DMRT1: variants seen among roughly 807,000 people sequenced by gnomAD.
DMRT1 encodes the protein doublesex- and mab-3-related transcription factor 1.
A neutral mutation model predicts 32.3 loss-of-function variants in DMRT1; 7 were observed. The ratio of observed to expected loss-of-function variants is 0.22; its 90% confidence interval spans 0.12 to 0.41. DMRT1 has a LOEUF of 0.41. Ranked by LOEUF, DMRT1 falls within the 10% of genes least tolerant of loss-of-function variation. DMRT1 has a pLI of 1.00. For missense variants in DMRT1, 625 were observed against 500.5 expected (o/e 1.25, Z -2.37); for synonymous variants, 278 against 206.1 (o/e 1.35, Z -2.99).
chr9:854,102 C>T (rs1426337880), intron 2 of DMRT1, among the ~76,000 whole-genome samples: 2 of 142,768 alleles, frequency 1.4e-5, no homozygotes, highest in African/African-American at 5.4e-5. Context: ...TGAGCCTACA[C>T]ACTAAGCCCA....
chr9:935,388 A>G (rs1227670250), intron 4 of DMRT1, among the ~76,000 whole-genome samples: 6 of 152,210 alleles, frequency 3.9e-5, no homozygotes, highest in Non-Finnish European at 1.5e-5. Context: ...ACAAAAGTGA[A>G]AAGTCAATGT....
chr9:872,954 A>G (rs1342278507), intron 2 of DMRT1, among the ~76,000 whole-genome samples: 1 of 152,188 alleles, frequency 6.6e-6, no homozygotes, highest in African/African-American at 2.4e-5. Context: ...GTCCCCCCAC[A>G]TTAAAGGCAG....
chr9:959,432 G>T (rs1055241013), intron 4 of DMRT1, among the ~76,000 whole-genome samples: 6 of 152,226 alleles, frequency 3.9e-5, no homozygotes, highest in African/African-American at 1.4e-4. Context: ...TCCAGGCTTT[G>T]CATAGAGTCA....
intron 4 of DMRT1, among the ~76,000 whole-genome samples, chr9:949,417 G>C (rs890475300): frequency 2.0e-5 from 3 of 152,018 alleles, no homozygotes; most frequent in African/African-American, 7.3e-5. Context: ...AAGTATGATT[G>C]ACAATACCGA....
chr9:870,708 A>AATTTTTTTTTTTTT, intron 2 of DMRT1, among the ~76,000 whole-genome samples: 1 of 36,262 alleles, frequency 2.8e-5, no homozygotes, highest in Admixed American at 3.3e-4. Flanking sequence ...CATTTTCTTG[A>AATTTTTTTTTTTTT]CTTTTTTTTT....
chr9:900,365 C>A (rs73639477), intron 3 of DMRT1, among the ~76,000 whole-genome samples: 9,219 of 102,804 alleles, frequency 0.09, 479 homozygotes, highest in African/African-American at 0.15. Flanking sequence ...TCTCGTTTTC[C>A]CACTGCCCCC....
At chr9:883,682 C>G (rs998106061) in intron 2 of DMRT1, among the ~76,000 whole-genome samples, 2 of 150,530 alleles carry the variant, frequency 1.3e-5, no homozygotes, top group African/African-American at 2.4e-5. Flanking sequence ...GTCCCAGATA[C>G]TTGGGAGGCA....
intron 2 of DMRT1, among the ~76,000 whole-genome samples, chr9:891,197 A>G (rs552705682): frequency 6.6e-6 from 1 of 151,860 alleles, no homozygotes; most frequent in Non-Finnish European, 1.5e-5. Context: ...TAAAAAAAAA[A>G]AAAGCTAAGA....
chr9:875,192 A>G (rs1458688761), intron 2 of DMRT1, among the ~76,000 whole-genome samples: 3 of 152,140 alleles, frequency 2.0e-5, no homozygotes, highest in African/African-American at 7.2e-5. Context: ...TGTAAATTTT[A>G]AAAAACATGT....
At chr9:848,803 C>CG (rs1460126856) in intron 2 of DMRT1, among the ~76,000 whole-genome samples, 12 of 149,266 alleles carry the variant, frequency 8.0e-5, no homozygotes, top group Admixed American at 2.7e-4. Flanking sequence ...GATCCACCCA[C>CG]CTCAGCTTCC....
chr9:924,026 G>C (rs528408143), intron 4 of DMRT1, among the ~76,000 whole-genome samples: 1 of 151,498 alleles, frequency 6.6e-6, no homozygotes, highest in Non-Finnish European at 1.5e-5. Context: ...ACGAGGTCTT[G>C]CTCAGGTCCC....
At chr9:870,271 C>T (rs772060055) in intron 2 of DMRT1, among the ~76,000 whole-genome samples, 1 of 152,126 alleles carries the variant, frequency 6.6e-6, no homozygotes, top group African/African-American at 2.4e-5. Context: ...TGGTGACGTG[C>T]ACCTGTAATC....
At chr9:928,675 G>A (rs905910843) in intron 4 of DMRT1, among the ~76,000 whole-genome samples, 1 of 152,014 alleles carries the variant, frequency 6.6e-6, no homozygotes, top group Non-Finnish European at 1.5e-5. Context: ...AGGGTGGGTC[G>A]GCCCAACATG....
chr9:939,361 C>T (rs1818987536), intron 4 of DMRT1, among the ~76,000 whole-genome samples: 1 of 152,212 alleles, frequency 6.6e-6, no homozygotes, highest in Non-Finnish European at 1.5e-5. Flanking sequence ...CCCAGTCCTC[C>T]TAACTTCCCT....
rs950266819 is a variant in DMRT1 at position 855,753 on chromosome 9, G to A, written c.538+8610G>A. Among the ~76,000 whole-genome samples the A allele has an allele frequency of 1.1e-4, 17 of 152,118 alleles. No homozygotes were observed. The South Asian group carries it at 1.2e-3, about 11-fold the overall frequency. Reference sequence around the variant, plus strand: ...TCCACTTCAGTCCCCAAGTACCTTGGACTACAGGCACGTGCCACCACTCCT... The same window carrying A: ...TCCACTTCAGTCCCCAAGTACCTTGAACTACAGGCACGTGCCACCACTCCT... On this transcript the variant is annotated intron_variant, in intron 2 of 4. Transcript: ENST00000382276.
chr9:967,911 TGTATAA>T (rs1268830183), intron 4 of DMRT1, 68 bp from the exon 5 acceptor site: 11 of 1,378,386 alleles, frequency 8.0e-6, no homozygotes, highest in Non-Finnish European at 1.0e-5. Context: ...GAATAATGAA[TGTATAA>T]AGACCAGCCA....
At chr9:954,888 C>T (rs1819547994) in intron 4 of DMRT1, among the ~76,000 whole-genome samples, 1 of 152,174 alleles carries the variant, frequency 6.6e-6, no homozygotes, top group African/African-American at 2.4e-5. Flanking sequence ...GATCTGCCTG[C>T]CTCGGCCTCC....
At chr9:923,634 T>A (rs1328385540) in intron 4 of DMRT1, among the ~76,000 whole-genome samples, 1 of 152,154 alleles carries the variant, frequency 6.6e-6, no homozygotes, top group Non-Finnish European at 1.5e-5. Context: ...ACGATGCCTT[T>A]GAAATGTTGT....
chr9:866,163 CA>C (rs71327351), intron 2 of DMRT1, among the ~76,000 whole-genome samples: 552 of 52,616 alleles, frequency 0.01, no homozygotes, highest in African/African-American at 0.04. Flanking sequence ...GAGTCCATCT[CA>C]AAAAAAAAAA....
Sources: gnomAD v4.1 joint callset for allele counts (sites outside exome capture counted in the v4.1 genomes callset) on GRCh38, gnomAD v4.1.1 for gene constraint, MANE v1.5 for transcripts, NCBI Gene and HGNC (gene_info 2026-07-23, HGNC 2026-07-21) for gene names.